The following OXR1 variants were observed in gnomAD, a reference collection of about 807,000 sequenced individuals.
OXR1 encodes the protein oxidation resistance 1.
In OXR1, 41 loss-of-function variants were observed where a neutral mutation model predicts 104.6. The observed-to-expected ratio is 0.39, with a 90% CI of 0.31 to 0.51. OXR1 has a LOEUF of 0.51. Ranked by LOEUF, OXR1 falls within the 20% of genes least tolerant of loss-of-function variation. The pLI, the probability that OXR1 is intolerant of heterozygous loss-of-function variation, is 0.77. For missense variants in OXR1, 955 were observed against 1,031.9 expected (o/e 0.93, Z 1.02); for synonymous variants, 348 against 348.4 (o/e 1.00, Z 0.01).
intron 3 of OXR1, among the ~76,000 whole-genome samples, chr8:106,591,717 C>T (rs559404055): frequency 1.3e-5 from 2 of 152,264 alleles, no homozygotes; most frequent in South Asian, 2.1e-4. Context: ...TGGGGAGGGT[C>T]CCATGACTGT....
chr8:106,694,420 T>C (rs1428972997), intron 7 of OXR1, among the ~76,000 whole-genome samples: 1 of 140,506 alleles, frequency 7.1e-6, no homozygotes, highest in Non-Finnish European at 1.5e-5. Context: ...TATTTATATA[T>C]ATATTTAATA....
At chr8:106,568,580 C>G (rs962223095) in intron 3 of OXR1, among the ~76,000 whole-genome samples, 12 of 152,066 alleles carry the variant, frequency 7.9e-5, no homozygotes, top group Non-Finnish European at 1.2e-4. Context: ...AGAGAGTTGT[C>G]CCTCCTGCTG....
chr8:106,325,003 G>A (rs2130195293), intron 1 of OXR1, among the ~76,000 whole-genome samples: 1 of 152,178 alleles, frequency 6.6e-6, no homozygotes, highest in East Asian at 1.9e-4. Flanking sequence ...CCTGCTAATA[G>A]TGTGACCTCC....
chr8:106,584,839 C>G (rs557915544), intron 3 of OXR1, among the ~76,000 whole-genome samples: 1 of 152,100 alleles, frequency 6.6e-6, no homozygotes, highest in South Asian at 2.1e-4. Context: ...ACAGCTATAC[C>G]ACATAAAAAC....
intron 3 of OXR1, among the ~76,000 whole-genome samples, chr8:106,637,671 C>T (rs1823257874): frequency 6.6e-6 from 1 of 151,652 alleles, no homozygotes; most frequent in Non-Finnish European, 1.5e-5. Flanking sequence ...TTGCTACCAG[C>T]TTTTACAATT....
chr8:106,509,605 G>A (rs1455637178), intron 2 of OXR1, among the ~76,000 whole-genome samples: 1 of 152,108 alleles, frequency 6.6e-6, no homozygotes. Flanking sequence ...GTCCCCCAGG[G>A]CACTATAGAA....
intron 2 of OXR1, among the ~76,000 whole-genome samples, chr8:106,437,952 A>G (rs993257002): frequency 6.6e-6 from 1 of 152,100 alleles, no homozygotes; most frequent in Non-Finnish European, 1.5e-5. Context: ...TGTAAAGAAA[A>G]CTACTGGGGG....
At chr8:106,473,809 T>C (rs931909932) in intron 2 of OXR1, among the ~76,000 whole-genome samples, 5 of 150,620 alleles carry the variant, frequency 3.3e-5, no homozygotes, top group African/African-American at 1.2e-4. Flanking sequence ...TTAAGAAAAA[T>C]CAGATACGGA....
At chr8:106,715,677 C>T (rs190732460) in intron 11 of OXR1, among the ~76,000 whole-genome samples, 141 of 152,004 alleles carry the variant, frequency 9.3e-4, no homozygotes, top group Middle Eastern at 3.4e-3. Context: ...TTGGGTGGCA[C>T]GGTGGATGGC....
chr8:106,379,471 C>T (rs1395261044), intron 2 of OXR1, among the ~76,000 whole-genome samples: 3 of 151,278 alleles, frequency 2.0e-5, no homozygotes, highest in African/African-American at 7.3e-5. Context: ...AAACACTGGA[C>T]CAATTTTTTG....
intron 3 of OXR1, among the ~76,000 whole-genome samples, chr8:106,672,659 A>G (rs1827162209): frequency 1.3e-5 from 2 of 152,280 alleles, no homozygotes; most frequent in Admixed American, 1.3e-4. Flanking sequence ...CCCCACTCAA[A>G]TCTCATCTTG....
chr8:106,346,811 G>GGGC (rs1373874196), intron 1 of OXR1, among the ~76,000 whole-genome samples: 2 of 152,110 alleles, frequency 1.3e-5, no homozygotes, highest in African/African-American at 4.8e-5. Context: ...AGGCCAAGGC[G>GGGC]GGCGGATCAC....
intron 2 of OXR1, among the ~76,000 whole-genome samples, chr8:106,383,588 G>A (rs909324652): frequency 6.6e-6 from 1 of 152,156 alleles, no homozygotes; most frequent in Non-Finnish European, 1.5e-5. Context: ...CAATACAGAG[G>A]TTAGAAGTTC....
At chr8:106,421,885 C>T (rs1818920948) in intron 2 of OXR1, among the ~76,000 whole-genome samples, 1 of 125,522 alleles carries the variant, frequency 8.0e-6, no homozygotes, top group South Asian at 2.7e-4. Flanking sequence ...TTGATAATTT[C>T]TATATAGCTA....
intron 3 of OXR1, among the ~76,000 whole-genome samples, chr8:106,677,760 C>CGT (rs144996062): frequency 4.9e-4 from 74 of 150,620 alleles, no homozygotes; most frequent in South Asian, 1.5e-3. Flanking sequence ...TATGCGCACG[C>CGT]GTGTGTGTGT....
chr8:106,732,400 T>C (rs1833968365), intron 11 of OXR1, among the ~76,000 whole-genome samples: 1 of 152,190 alleles, frequency 6.6e-6, no homozygotes, highest in South Asian at 2.1e-4. Context: ...CTTATTGCAT[T>C]AGCTAGGACT....
chr8:106,717,124 T>G (rs1042298512), intron 11 of OXR1, among the ~76,000 whole-genome samples: 2 of 152,004 alleles, frequency 1.3e-5, no homozygotes, highest in Non-Finnish European at 2.9e-5. Flanking sequence ...AGGCGGAGAT[T>G]GCAGTGAGCC....
Position 106,518,893 on chromosome 8 carries a change from A to G in OXR1, c.24-50A>G, listed in dbSNP as rs779925315. On this transcript the variant is annotated intron_variant, in intron 2 of 16. Transcript: ENST00000517566. ...AAAAAAAATTATAAACATGGAACAA[A>G]TGTGTCTCTAGAATCAGGATTCATA... is the stretch of plus-strand genomic sequence containing the variant. 2.2e-6 allele frequency: 3 copies of G among 1,348,502 alleles called. No homozygotes were observed. In the South Asian group the frequency reaches 4.2e-5, roughly 19 times the overall value. 83.5% of individuals were successfully genotyped at this position (1,348,502 alleles called of 1,614,324 possible).
intron 3 of OXR1, among the ~76,000 whole-genome samples, chr8:106,593,918 C>A (rs1340949503): frequency 6.6e-6 from 1 of 152,154 alleles, no homozygotes; most frequent in Non-Finnish European, 1.5e-5. Flanking sequence ...GCCAAGCCCC[C>A]CTGCACAGCC....
Sources: gnomAD v4.1 joint callset for allele counts (sites outside exome capture counted in the v4.1 genomes callset) on GRCh38, gnomAD v4.1.1 for gene constraint, MANE v1.5 for transcripts, NCBI Gene and HGNC (gene_info 2026-07-23, HGNC 2026-07-21) for gene names.